The following SMARCC1 variants were observed in gnomAD, a reference collection of about 807,000 sequenced individuals.
SMARCC1 encodes SWI/SNF complex subunit SMARCC1.
A neutral mutation model predicts 147.4 loss-of-function variants in SMARCC1; 43 were observed. That is an observed-to-expected ratio of 0.29 (90% CI 0.23 to 0.38). The LOEUF (loss-of-function observed/expected upper bound fraction) is 0.38. SMARCC1 is among the 10% of genes least tolerant of loss of function. SMARCC1 has a pLI of 1.00. For synonymous variants in SMARCC1, 495 were observed against 484.4 expected (o/e 1.02, Z -0.29); for missense variants, 1,119 against 1,381.1 (o/e 0.81, Z 3.01).
At chr3:47,625,786 T>C (rs1243236671) in intron 24 of SMARCC1, among the ~76,000 whole-genome samples, 1 of 151,942 alleles carries the variant, frequency 6.6e-6, no homozygotes, top group East Asian at 1.9e-4. Context: ...TTTCAAGACA[T>C]GTAAAAAGCA....
chr3:47,728,117 CCTT>C (rs1442797656), intron 6 of SMARCC1, among the ~76,000 whole-genome samples: 1 of 102,288 alleles, frequency 9.8e-6, no homozygotes, highest in Admixed American at 1.5e-4. Flanking sequence ...GATGGAGTCT[CCTT>C]CTGTCACCCA....
At chr3:47,710,856 T>C (rs762936072) in intron 8 of SMARCC1, 48 bp from the exon 9 acceptor site, 3 of 1,529,768 alleles carry the variant, frequency 2.0e-6, no homozygotes, top group South Asian at 1.2e-5. Flanking sequence ...ACAAAATCAC[T>C]CAAGGTTTTA....
chr3:47,646,524 CA>C (rs1175265031), intron 21 of SMARCC1, among the ~76,000 whole-genome samples: 1 of 152,118 alleles, frequency 6.6e-6, no homozygotes, highest in African/African-American at 2.4e-5. Flanking sequence ...ACATGGTTAG[CA>C]AAAACAGTAT....
chr3:47,656,976 C>T (rs111686412), intron 21 of SMARCC1, among the ~76,000 whole-genome samples: 37 of 152,072 alleles, frequency 2.4e-4, no homozygotes, highest in South Asian at 6.2e-4. Context: ...TGAAATGGCA[C>T]GCTAATATCA....
intron 7 of SMARCC1, among the ~76,000 whole-genome samples, chr3:47,716,747 T>C (rs1435104649): frequency 6.6e-6 from 1 of 152,182 alleles, no homozygotes; most frequent in Admixed American, 6.5e-5. Context: ...TTAAAAGGTG[T>C]TTTTGGATGC....
chr3:47,753,125 C>A (rs1205106166), intron 2 of SMARCC1, among the ~76,000 whole-genome samples: 1 of 152,022 alleles, frequency 6.6e-6, no homozygotes, highest in Non-Finnish European at 1.5e-5. Flanking sequence ...GGGGGCGGAT[C>A]ACGAGGTGAG....
At chr3:47,623,538 A>G (rs2032765964) in intron 24 of SMARCC1, among the ~76,000 whole-genome samples, 1 of 152,214 alleles carries the variant, frequency 6.6e-6, no homozygotes, top group African/African-American at 2.4e-5. Flanking sequence ...TGTAGACAAG[A>G]GGTGACAATG....
At chr3:47,763,594 A>C (rs2034800682) in intron 2 of SMARCC1, among the ~76,000 whole-genome samples, 1 of 151,746 alleles carries the variant, frequency 6.6e-6, no homozygotes, top group Non-Finnish European at 1.5e-5. Context: ...AGGCCTCCCA[A>C]AGTGTTGGGA....
rs12631441 is a variant in SMARCC1 at position 47,647,604 on chromosome 3, A to G, written c.2321-8824T>C. 3.1e-4 allele frequency among the ~76,000 whole-genome samples: 47 copies of G among 152,352 alleles called. 1 individual carries two copies. In the East Asian group the frequency reaches 3.9e-3, roughly 12 times the overall value. ...TTCGGGTTCTCCTGGATATCTTTTA[A>G]GAGTATAAAGGAGTCCTGAGGCCAA... On this transcript the variant is annotated intron_variant, in intron 21 of 27. Coordinates refer to ENST00000254480, the MANE Select transcript of SMARCC1 (RefSeq NM_003074.4).
At chr3:47,712,540 G>A (rs1057129225) in intron 8 of SMARCC1, among the ~76,000 whole-genome samples, 4 of 152,068 alleles carry the variant, frequency 2.6e-5, no homozygotes. Context: ...TTTGTGTCAG[G>A]CACTATGCTG....
chr3:47,739,716 G>A (rs906337771), intron 3 of SMARCC1, among the ~76,000 whole-genome samples: 2 of 152,034 alleles, frequency 1.3e-5, no homozygotes, highest in African/African-American at 4.8e-5. Flanking sequence ...TAACTCACAT[G>A]TCATGCTATT....
intron 2 of SMARCC1, among the ~76,000 whole-genome samples, chr3:47,766,561 G>A (rs975388074): frequency 1.5e-4 from 23 of 151,842 alleles, no homozygotes; most frequent in African/African-American, 5.1e-4. Context: ...GTGACAGAGT[G>A]AGAGAGACCC....
intron 7 of SMARCC1, among the ~76,000 whole-genome samples, chr3:47,714,823 A>G (rs988653942): frequency 6.6e-6 from 1 of 152,142 alleles, no homozygotes; most frequent in African/African-American, 2.4e-5. Flanking sequence ...CAAAAAACTA[A>G]AAGAAATACT....
chr3:47,623,756 C>T lies in SMARCC1; in HGVS notation c.2647-1415G>A, dbSNP rs565090688. 2.0e-5 allele frequency among the ~76,000 whole-genome samples: 3 copies of T among 152,192 alleles called. 1 individual carries two copies. In the East Asian group the frequency reaches 5.8e-4, roughly 29 times the overall value. On this transcript the variant is annotated intron_variant, in intron 24 of 27. Coordinates refer to ENST00000254480, the MANE Select transcript of SMARCC1 (RefSeq NM_003074.4). ...GGTATAAAATAAAAAGTAAGTCTCC[C>T]CCTCACTTCTGTCAGCTATACATCA...
chr3:47,748,134 A>G (rs1297776324), intron 2 of SMARCC1, among the ~76,000 whole-genome samples: 3 of 152,214 alleles, frequency 2.0e-5, no homozygotes, highest in African/African-American at 4.8e-5. Flanking sequence ...TGGGCGACAC[A>G]GTGAGACTGT....
intron 14 of SMARCC1, among the ~76,000 whole-genome samples, chr3:47,685,356 T>C (rs1029617393): frequency 6.6e-6 from 1 of 152,150 alleles, no homozygotes; most frequent in Non-Finnish European, 1.5e-5. Context: ...TCTGGAAATT[T>C]TCAGTTAGTA....
chr3:47,591,787 A>C (rs2032187743), intron 26 of SMARCC1, among the ~76,000 whole-genome samples: 1 of 151,956 alleles, frequency 6.6e-6, no homozygotes, highest in Non-Finnish European at 1.5e-5. Context: ...TCAGGCAGTA[A>C]GACTGCCTCA....
intron 10 of SMARCC1, among the ~76,000 whole-genome samples, chr3:47,704,700 T>C (rs779157262): frequency 3.6e-4 from 54 of 151,518 alleles, no homozygotes; most frequent in Non-Finnish European, 6.8e-4. Context: ...AAGAATTGCT[T>C]GAGACCAGGA....
chr3:47,765,004 C>A (rs1476391862), intron 2 of SMARCC1, among the ~76,000 whole-genome samples: 1 of 152,196 alleles, frequency 6.6e-6, no homozygotes, highest in East Asian at 1.9e-4. Context: ...GTAATCCCAG[C>A]ACTTTGGGAG....
Sources: gnomAD v4.1 joint callset for allele counts (sites outside exome capture counted in the v4.1 genomes callset) on GRCh38, gnomAD v4.1.1 for gene constraint, MANE v1.5 for transcripts, NCBI Gene and HGNC (gene_info 2026-07-23, HGNC 2026-07-21) for gene names.